SP140L: variants seen among roughly 807,000 people sequenced by gnomAD.
The protein encoded by SP140L is nuclear body protein SP140-like protein.
Under a neutral mutation model 84.3 loss-of-function variants are expected in SP140L, and 64 were observed. The ratio of observed to expected loss-of-function variants is 0.76; its 90% CI spans 0.62 to 0.94. The LOEUF (loss-of-function observed/expected upper bound fraction) is 0.94, where lower values mean the gene tolerates loss of function less well. SP140L is among the 40% of genes least tolerant of loss of function. The probability of loss-of-function intolerance (pLI) is 0.00; values close to 1 mark genes in which losing one functional copy is unlikely to be tolerated. For synonymous variants in SP140L, 242 were observed against 236.9 expected (o/e 1.02, Z -0.20); for missense variants, 628 against 692.5 (o/e 0.91, Z 1.05).
rs2062070533 is a variant in SP140L at position 230,396,806 on chromosome 2, T to C, written c.1197+8T>C. ...AGCTCAGTTGACCCTTGTGTAAGTA[T>C]AAATTCTGAACTACAACCCCCAGAA... On this transcript the variant is annotated splice_region_variant and intron_variant, in intron 14 of 18. Transcript: ENST00000415673. 1.2e-6 allele frequency: 2 copies of C among 1,613,856 alleles called. No individual in the cohort carries two copies. Among genetic ancestry groups the C allele is most frequent in the Non-Finnish European group, 8.5e-7 (1 of 1,179,892 alleles).
intron 5 of SP140L, 94 bp from the exon 6 acceptor site, chr2:230,370,814 G>T: frequency 8.1e-7 from 1 of 1,230,444 alleles, no homozygotes; most frequent in Non-Finnish European, 1.2e-6. Flanking sequence ...GGTTATTGGG[G>T]CAAATTAAAA....
chr2:230,395,814 A>G (rs2062023552), intron 13 of SP140L, among the ~76,000 whole-genome samples: 1 of 152,218 alleles, frequency 6.6e-6, no homozygotes, highest in South Asian at 2.1e-4. Context: ...GATATCCAAA[A>G]GCAATCTAAA....
At chr2:230,364,930 A>G (rs190205765) in intron 5 of SP140L, among the ~76,000 whole-genome samples, 1 of 152,182 alleles carries the variant, frequency 6.6e-6, no homozygotes, top group Admixed American at 6.5e-5. Context: ...TATTAATGCA[A>G]CGTATGACCT....
intron 2 of SP140L, among the ~76,000 whole-genome samples, chr2:230,348,111 AACTTTGGGC>A (rs1403244313): frequency 6.6e-6 from 1 of 152,228 alleles, no homozygotes; most frequent in Admixed American, 6.5e-5. Flanking sequence ...CCACTGGAGA[AACTTTGGGC>A]TCAGGAAAAC....
chr2:230,355,148 G>A (rs2060504795), intron 2 of SP140L, among the ~76,000 whole-genome samples: 1 of 151,958 alleles, frequency 6.6e-6, no homozygotes, highest in Admixed American at 6.5e-5. Context: ...GTTATTTTGG[G>A]GAAAGAAACA....
chr2:230,337,690 T>C (rs2059918786), intron 2 of SP140L, among the ~76,000 whole-genome samples: 1 of 152,206 alleles, frequency 6.6e-6, no homozygotes, highest in Non-Finnish European at 1.5e-5. Context: ...AAAGAAGGGA[T>C]CCAGTTTCAG....
rs1476817380 is a variant in SP140L at position 230,350,372 on chromosome 2, A to G, written c.108-7433A>G. Among the ~76,000 whole-genome samples the G allele has an allele frequency of 2.6e-5, 4 of 152,368 alleles. No homozygotes were observed. The East Asian group carries it at 7.7e-4, about 29-fold the overall frequency. ...AATATTTCAACAGTGTACATTTATGATAATGCACTCAACCATTCTGCCAAA... is the reference window on the plus strand; with the variant it reads ...AATATTTCAACAGTGTACATTTATGGTAATGCACTCAACCATTCTGCCAAA... On this transcript the variant is annotated intron_variant, in intron 2 of 18. Coordinates refer to ENST00000415673, the MANE Select transcript of SP140L (RefSeq NM_138402.6).
rs1330140634 is a variant in SP140L, at chr2:230,400,940, T to C, written c.1314-15T>C. ...AAGCTCCCTGCCCTCTGCTCACCCA[T>C]GTCCAATCTCTCAGGACCCCGTGGA... On this transcript the variant is annotated splice_polypyrimidine_tract_variant and intron_variant, in intron 15 of 18. Coordinates refer to ENST00000415673, the MANE Select transcript of SP140L (RefSeq NM_138402.6). 2 of 1,490,200 alleles carry C rather than the reference T, an allele frequency of 1.3e-6. No individual in the cohort carries two copies. The highest frequency in any genetic ancestry group is 1.2e-5 in the South Asian group (1 of 81,020). 92.3% of individuals were successfully genotyped at this position (1,490,200 alleles called of 1,614,324 possible).
At chr2:230,357,055 T>A (rs1476383269) in intron 2 of SP140L, among the ~76,000 whole-genome samples, 1 of 152,200 alleles carries the variant, frequency 6.6e-6, no homozygotes, top group Non-Finnish European at 1.5e-5. Context: ...TAAAACATTA[T>A]CAGAGCAATA....
chr2:230,327,420 G>A (rs907864595), intron 1 of SP140L, 119 bp downstream of exon 1: 5 of 1,158,224 alleles, frequency 4.3e-6, no homozygotes, highest in Non-Finnish European at 6.2e-6. Context: ...AACATAGGTA[G>A]GTAGTGTAAT....
chr2:230,380,756 T>C (rs1401161851), intron 7 of SP140L, among the ~76,000 whole-genome samples: 3 of 152,204 alleles, frequency 2.0e-5, no homozygotes, highest in African/African-American at 7.2e-5. Flanking sequence ...TATTGTGAGA[T>C]TTATTTCACT....
At position 230,388,790 on chromosome 2, in the gene SP140L, A is replaced by G. The variant is rs545069633; in HGVS notation, c.859+157A>G. On this transcript the variant is annotated intron_variant, in intron 10 of 18. Coordinates refer to ENST00000415673, the MANE Select transcript of SP140L (RefSeq NM_138402.6). ...CTTATTAAGTCATTTTCCAAAATGTATCAAGGAAAGAAGGAAGTAAGTTGG... is the reference window on the plus strand; with the variant it reads ...CTTATTAAGTCATTTTCCAAAATGTGTCAAGGAAAGAAGGAAGTAAGTTGG... The G allele has an allele frequency of 1.5e-5, 11 of 739,664 alleles. No homozygotes were observed. In the East Asian group the frequency reaches 3.2e-4, roughly 21 times the overall value. 45.8% of individuals were successfully genotyped at this position (739,664 alleles called of 1,614,324 possible).
At chr2:230,366,212 G>T (rs113813263) in intron 5 of SP140L, among the ~76,000 whole-genome samples, 3,717 of 152,130 alleles carry the variant, frequency 0.024, 151 homozygotes, top group African/African-American at 0.084. Flanking sequence ...TGAAAGTAGG[G>T]TATGAAAGTC....
chr2:230,375,679 G>A (rs2061221308), intron 7 of SP140L, among the ~76,000 whole-genome samples: 1 of 151,988 alleles, frequency 6.6e-6, no homozygotes, highest in African/African-American at 2.4e-5. Context: ...ATAACCCATT[G>A]GCTATTTATA....
intron 2 of SP140L, among the ~76,000 whole-genome samples, chr2:230,356,778 T>G (rs950803048): frequency 6.6e-6 from 1 of 152,234 alleles, no homozygotes; most frequent in Non-Finnish European, 1.5e-5. Flanking sequence ...AGCACTTTTC[T>G]GACCACTTTT....
intron 15 of SP140L, 140 bp downstream of exon 15, chr2:230,400,382 C>T (rs1483367929): frequency 1.3e-6 from 1 of 797,980 alleles, no homozygotes; most frequent in Non-Finnish European, 2.0e-6. Context: ...CAGTGTGATC[C>T]AGAGAGCAGT....
chr2:230,332,387 C>G (rs1233589956), intron 2 of SP140L, among the ~76,000 whole-genome samples: 5 of 152,190 alleles, frequency 3.3e-5, no homozygotes, highest in Non-Finnish European at 5.9e-5. Context: ...TCCTTCTGTA[C>G]TTACTTCTGT....
chr2:230,380,218 A>T (rs1234266328), intron 7 of SP140L, among the ~76,000 whole-genome samples: 1 of 152,126 alleles, frequency 6.6e-6, no homozygotes, highest in African/African-American at 2.4e-5. Context: ...AAACCATCAG[A>T]TCTCGTGAGA....
intron 13 of SP140L, among the ~76,000 whole-genome samples, chr2:230,395,767 T>C (rs578043739): frequency 6.6e-6 from 1 of 152,294 alleles, no homozygotes; most frequent in Admixed American, 6.5e-5. Context: ...TGAGGCTGCC[T>C]GTATCCCAGA....
Sources: allele counts gnomAD v4.1 joint callset (sites outside exome capture counted in the v4.1 genomes callset), GRCh38; gene constraint gnomAD v4.1.1; transcripts MANE v1.5; gene names NCBI Gene and HGNC (gene_info 2026-07-23, HGNC 2026-07-21).